NRF1: variants seen among roughly 807,000 people sequenced by gnomAD.
NRF1 encodes the protein alpha palindromic-binding protein.
Under a neutral mutation model 58.5 loss-of-function variants are expected in NRF1, and 5 were observed. That is an observed-to-expected ratio of 0.09 (90% CI 0.04 to 0.18). NRF1 has a LOEUF of 0.18. NRF1 is among the 10% of genes least tolerant of loss of function. The probability of loss-of-function intolerance (pLI) is 1.00; values close to 1 mark genes in which losing one functional copy is unlikely to be tolerated. For missense variants in NRF1, 288 were observed against 657.7 expected (o/e 0.44, Z 6.15); for synonymous variants, 224 against 246.7 (o/e 0.91, Z 0.86).
chr7:129,723,304 A>G (rs755928024), intron 9 of NRF1, among the ~76,000 whole-genome samples: 1 of 151,938 alleles, frequency 6.6e-6, no homozygotes, highest in Non-Finnish European at 1.5e-5. Context: ...TTAGCCGGGC[A>G]TGGTGGCGGG....
chr7:129,739,808 A>G (rs2116291523), intron 10 of NRF1, among the ~76,000 whole-genome samples: 1 of 152,260 alleles, frequency 6.6e-6, no homozygotes, highest in South Asian at 2.1e-4. Flanking sequence ...AGGTGCTGTA[A>G]TGGATTTATA....
chr7:129,672,026 A>G (rs978246349), intron 3 of NRF1, among the ~76,000 whole-genome samples: 6 of 152,056 alleles, frequency 3.9e-5, no homozygotes, highest in African/African-American at 1.4e-4. Context: ...TTGAACAGAG[A>G]CTTGAAGGTG....
At chr7:129,627,893 C>T (rs1476917745) in intron 1 of NRF1, among the ~76,000 whole-genome samples, 1 of 152,012 alleles carries the variant, frequency 6.6e-6, no homozygotes, top group Admixed American at 6.6e-5. Flanking sequence ...TAAATTATTT[C>T]AAGAGCCTGG....
intron 2 of NRF1, among the ~76,000 whole-genome samples, chr7:129,663,504 C>T (rs1392750371): frequency 2.7e-5 from 4 of 148,628 alleles, no homozygotes; most frequent in Admixed American, 2.0e-4. Flanking sequence ...GGCGGCCGGG[C>T]AGAGGCGCTC....
intron 1 of NRF1, among the ~76,000 whole-genome samples, chr7:129,656,942 C>T (rs28718276): frequency 9.9e-5 from 15 of 152,276 alleles, no homozygotes; most frequent in Admixed American, 6.5e-4. Flanking sequence ...GACTCTCACT[C>T]GTCTTTGACA....
chr7:129,674,597 C>T lies in NRF1; in HGVS notation c.339-3035C>T, dbSNP rs553173224. On this transcript the variant is annotated intron_variant, in intron 3 of 10. Transcript: ENST00000393232. ...AATAGGTGCATGTCACCATACCTGG[C>T]GAATTTTTTCTTCTTTCTGTAAAGA... Among the ~76,000 whole-genome samples the T allele has an allele frequency of 1.9e-4, 29 of 152,002 alleles. 1 individual carries two copies. The highest frequency in any genetic ancestry group is 1.7e-3 in the East Asian group (9 of 5,172).
chr7:129,732,391 T>G (rs1048411453), intron 10 of NRF1, among the ~76,000 whole-genome samples: 1 of 152,196 alleles, frequency 6.6e-6, no homozygotes, highest in African/African-American at 2.4e-5. Context: ...AATTGTGGGT[T>G]TTTTTGCCAT....
intron 4 of NRF1, among the ~76,000 whole-genome samples, chr7:129,688,623 C>A (rs988189494): frequency 2.6e-5 from 4 of 152,090 alleles, no homozygotes; most frequent in African/African-American, 9.6e-5. Flanking sequence ...GCTAGGGAGG[C>A]TTCAGGAAAC....
At chr7:129,732,089 C>T (rs1003302285) in intron 10 of NRF1, among the ~76,000 whole-genome samples, 4 of 152,164 alleles carry the variant, frequency 2.6e-5, no homozygotes, top group African/African-American at 9.7e-5. Flanking sequence ...CAGATACAGG[C>T]ATTCACTCAG....
chr7:129,755,146 G>A lies in NRF1; in HGVS notation c.1477G>A (p.Gly493Ser), dbSNP rs941201380. The stretch of plus-strand genomic sequence containing the variant: ...ATCAGACAGCGCAGTCACCATGGAC[G>A]GCCAAGCTGTGGAGGTGGTGACATT... ...RISDSAVTMD[G>S]QAVEVVTLEQ Residue 493 changes from glycine (G) to serine (S), a missense_variant, in exon 11 of 11, where the codon GGC becomes AGC. Transcript: ENST00000393232. The surrounding 1 kb of genome is among the most constrained non-coding windows in gnomAD (Gnocchi z 5.8). The A allele has an allele frequency of 2.5e-5, 41 of 1,613,164 alleles. No individual in the cohort carries two copies. The highest frequency in any genetic ancestry group is 3.1e-5 in the Non-Finnish European group (37 of 1,179,722).
At chr7:129,617,785 A>G (rs1800687400) in intron 1 of NRF1, among the ~76,000 whole-genome samples, 1 of 152,192 alleles carries the variant, frequency 6.6e-6, no homozygotes, top group South Asian at 2.1e-4. Flanking sequence ...GACTTTTCAC[A>G]TAGGGGAAGT....
rs1204988858 is a variant in NRF1 at position 129,755,460 on chromosome 7, TTA to T, written c.*281_*282del. 1 of 327,862 alleles carries T rather than the reference TTA, an allele frequency of 3.1e-6. No homozygotes were observed. Among genetic ancestry groups the T allele is most frequent in the Non-Finnish European group, 5.7e-6 (1 of 175,862 alleles). The allele number at this position is 327,862 out of a possible 1,614,324, so 20.3% of individuals were successfully genotyped here. On this transcript the variant is annotated 3_prime_UTR_variant, in exon 11 of 11. Transcript: ENST00000393232. The surrounding 1 kb of genome is among the most constrained non-coding windows in gnomAD (Gnocchi z 5.8). ...TTTCTGCGGAAATGTGTGTGTATAC[TTA>T]TGTGTGTGTATGTGTGAGTGTGAAT...
At chr7:129,720,940 A>G (rs1433566970) in intron 9 of NRF1, among the ~76,000 whole-genome samples, 1 of 152,166 alleles carries the variant, frequency 6.6e-6, no homozygotes, top group Non-Finnish European at 1.5e-5. Flanking sequence ...CAAAGTGAAC[A>G]AATGAGCAGA....
At chr7:129,617,670 G>T (rs930122235) in intron 1 of NRF1, among the ~76,000 whole-genome samples, 2 of 152,168 alleles carry the variant, frequency 1.3e-5, no homozygotes, top group African/African-American at 2.4e-5. Context: ...AACTTCTAGA[G>T]AACCAAAATA....
At position 129,682,516 on chromosome 7, in the gene NRF1, C is replaced by G. The variant is rs149571062; in HGVS notation, c.465+4758C>G. Among the ~76,000 whole-genome samples the G allele has an allele frequency of 8.7e-3, 1,322 of 151,360 alleles. 16 individuals are homozygous for G. The highest frequency in any genetic ancestry group is 0.03 in the African/African-American group (1,258 of 41,262). ...CAATGATAGTAAGAGGATTTACTATCCTTGCCAGATCAACAAAGCAAAATA... is the reference window on the plus strand; with the variant it reads ...CAATGATAGTAAGAGGATTTACTATGCTTGCCAGATCAACAAAGCAAAATA... On this transcript the variant is annotated intron_variant, in intron 4 of 10. Coordinates refer to ENST00000393232, the MANE Select transcript of NRF1 (RefSeq NM_005011.5).
intron 5 of NRF1, 139 bp downstream of exon 5, chr7:129,690,685 T>C: frequency 1.2e-6 from 1 of 866,966 alleles, no homozygotes. Context: ...AGTGAAACAG[T>C]AGCAGCCTTG....
intron 5 of NRF1, among the ~76,000 whole-genome samples, chr7:129,695,173 A>T (rs1489845258): frequency 6.6e-6 from 1 of 151,730 alleles, no homozygotes; most frequent in African/African-American, 2.4e-5. Context: ...TGGGAGATTT[A>T]AAAAAAATTC....
intron 1 of NRF1, among the ~76,000 whole-genome samples, chr7:129,614,587 G>A (rs554464807): frequency 1.3e-5 from 2 of 152,062 alleles, no homozygotes; most frequent in South Asian, 4.2e-4. Flanking sequence ...CAGTAGCTGA[G>A]ACTATAGGCA....
At chr7:129,623,007 A>G (rs933747996) in intron 1 of NRF1, among the ~76,000 whole-genome samples, 2 of 152,158 alleles carry the variant, frequency 1.3e-5, no homozygotes, top group Non-Finnish European at 2.9e-5. Context: ...ATATTTTTAA[A>G]TTTTCTCTCC....
Sources: gnomAD v4.1 joint callset for allele counts (sites outside exome capture counted in the v4.1 genomes callset) on GRCh38, gnomAD v4.1.1 for gene constraint, Gnocchi (gnomAD v3.1) non-coding constraint, MANE v1.5 for transcripts, NCBI Gene and HGNC (gene_info 2026-07-23, HGNC 2026-07-21) for gene names.